The following TTC28 variants were observed in gnomAD, a reference collection of about 807,000 sequenced individuals.
TTC28 encodes the protein tetratricopeptide repeat domain 28, also known as tetratricopeptide repeat protein 28.
Under a neutral mutation model 198.0 loss-of-function variants are expected in TTC28, and 61 were observed. The observed-to-expected ratio is 0.31, with a 90% confidence interval of 0.25 to 0.38. The LOEUF is 0.38. TTC28 is among the 10% of genes least tolerant of loss of function. TTC28 has a pLI of 1.00. For synonymous variants in TTC28, 1,171 were observed against 1,297.8 expected (o/e 0.90, Z 2.10); for missense variants, 2,678 against 3,164.0 (o/e 0.85, Z 3.69).
At chr22:28,481,976 T>C (rs2048252575) in intron 2 of TTC28, among the ~76,000 whole-genome samples, 1 of 152,190 alleles carries the variant, frequency 6.6e-6, no homozygotes, top group Non-Finnish European at 1.5e-5. Context: ...ATTTCTGAAC[T>C]TGACAAGTGA....
chr22:27,982,105 G>T lies in TTC28; in HGVS notation c.*116C>A. Reference sequence around the variant, plus strand: ...CGTGGTGGTGCCCCTCGCCTGCAGAGCACAGCATCATGAGGGTGCTGGTGG... The same window carrying T: ...CGTGGTGGTGCCCCTCGCCTGCAGATCACAGCATCATGAGGGTGCTGGTGG... On this transcript the variant is annotated 3_prime_UTR_variant, in exon 23 of 23. Transcript: ENST00000397906. The surrounding 1 kb of genome is among the most constrained non-coding windows in gnomAD (Gnocchi z 5.2). 1 of 1,124,142 alleles carries T rather than the reference G, an allele frequency of 8.9e-7. No individual in the cohort carries two copies. The highest frequency in any genetic ancestry group is 1.2e-6 in the Non-Finnish European group (1 of 811,956). 69.6% of individuals were successfully genotyped at this position (1,124,142 alleles called of 1,614,324 possible).
chr22:28,015,419 TAAA>T (rs138678), intron 13 of TTC28, among the ~76,000 whole-genome samples: 1 of 109,684 alleles, frequency 9.1e-6, no homozygotes, highest in African/African-American at 3.6e-5. Flanking sequence ...GAGATAGCTT[TAAA>T]AAAAAAAAAA....
chr22:28,483,079 T>C (rs1404715676), intron 2 of TTC28, among the ~76,000 whole-genome samples: 1 of 152,172 alleles, frequency 6.6e-6, no homozygotes, highest in African/African-American at 2.4e-5. Flanking sequence ...AAGAGTGAAA[T>C]TGTAAGGTCA....
At chr22:28,547,749 T>G (rs1044905687) in intron 2 of TTC28, among the ~76,000 whole-genome samples, 2 of 151,718 alleles carry the variant, frequency 1.3e-5, no homozygotes, top group African/African-American at 2.4e-5. Flanking sequence ...ATTTTAATGC[T>G]GAGGCATGTT....
intron 2 of TTC28, among the ~76,000 whole-genome samples, chr22:28,490,607 G>A (rs534620697): frequency 6.6e-6 from 1 of 152,282 alleles, no homozygotes; most frequent in African/African-American, 2.4e-5. Context: ...TATTCAAATA[G>A]TAAGATAAAC....
chr22:28,169,748 C>T (rs976459523), intron 5 of TTC28, among the ~76,000 whole-genome samples: 1 of 151,828 alleles, frequency 6.6e-6, no homozygotes, highest in African/African-American at 2.4e-5. Flanking sequence ...TGCAGCACAC[C>T]AACATGGCAC....
At chr22:28,156,124 C>T (rs1353067682) in intron 6 of TTC28, among the ~76,000 whole-genome samples, 2 of 152,196 alleles carry the variant, frequency 1.3e-5, no homozygotes, top group Non-Finnish European at 2.9e-5. Context: ...ATGACATCCC[C>T]TGCAATGTGT....
chr22:28,405,094 C>T (rs1221838250), intron 2 of TTC28, among the ~76,000 whole-genome samples: 2 of 152,136 alleles, frequency 1.3e-5, no homozygotes, highest in Admixed American at 6.5e-5. Context: ...GGTATTCAGT[C>T]TGTAAGATCA....
chr22:28,554,249 G>C (rs1431396106), intron 2 of TTC28, among the ~76,000 whole-genome samples: 1 of 148,698 alleles, frequency 6.7e-6, no homozygotes, highest in Non-Finnish European at 1.5e-5. Flanking sequence ...AAGGCCGCAG[G>C]GTCCTCTGCC....
At chr22:28,059,077 G>A (rs1471568026) in intron 12 of TTC28, among the ~76,000 whole-genome samples, 1 of 151,534 alleles carries the variant, frequency 6.6e-6, no homozygotes, top group Non-Finnish European at 1.5e-5. Flanking sequence ...TTTCAATATT[G>A]TTTCTCCGTT....
At chr22:28,473,990 G>T (rs2048130479) in intron 2 of TTC28, among the ~76,000 whole-genome samples, 1 of 152,158 alleles carries the variant, frequency 6.6e-6, no homozygotes, top group African/African-American at 2.4e-5. Context: ...AAGCTATCCA[G>T]TTTGTGGTAC....
rs546315933 is a variant in TTC28 at position 28,209,194 on chromosome 22, G to A, written c.934-45595C>T. Among the ~76,000 whole-genome samples the A allele has an allele frequency of 3.9e-5, 6 of 152,256 alleles. No individual in the cohort carries two copies. The South Asian group carries it at 6.2e-4, about 16-fold the overall frequency. ...TATAAGAGAGAAGACTGGGATGGCC[G>A]AATAGGAACAGCTCCAGTCTACAGC... On this transcript the variant is annotated intron_variant, in intron 5 of 22. Transcript: ENST00000397906.
intron 5 of TTC28, among the ~76,000 whole-genome samples, chr22:28,191,833 T>A (rs1378048917): frequency 6.6e-6 from 1 of 152,198 alleles, no homozygotes; most frequent in Non-Finnish European, 1.5e-5. Flanking sequence ...CAAGGAGGCC[T>A]GCCTGCCTCT....
At chr22:28,244,595 G>A (rs1336347924) in intron 5 of TTC28, among the ~76,000 whole-genome samples, 1 of 152,078 alleles carries the variant, frequency 6.6e-6, no homozygotes, top group Non-Finnish European at 1.5e-5. Context: ...TATAAAGAAG[G>A]CAAATAAGCT....
chr22:28,399,041 A>T (rs2046860938), intron 2 of TTC28, among the ~76,000 whole-genome samples: 1 of 149,966 alleles, frequency 6.7e-6, no homozygotes. Flanking sequence ...TACATTTCTA[A>T]CTGTAGTGAT....
At chr22:28,535,799 C>A (rs2049256276) in intron 2 of TTC28, among the ~76,000 whole-genome samples, 1 of 152,106 alleles carries the variant, frequency 6.6e-6, no homozygotes, top group East Asian at 1.9e-4. Context: ...GAAGACTGTG[C>A]CTGCTTCCCC....
chr22:28,328,572 G>A (rs1166411740), intron 2 of TTC28, among the ~76,000 whole-genome samples: 1 of 151,550 alleles, frequency 6.6e-6, no homozygotes, highest in African/African-American at 2.4e-5. Flanking sequence ...TGGCCAACCC[G>A]GTGAAACCAC....
At chr22:28,636,828 T>G (rs1467270670) in intron 1 of TTC28, among the ~76,000 whole-genome samples, 1 of 152,150 alleles carries the variant, frequency 6.6e-6, no homozygotes, top group Non-Finnish European at 1.5e-5. Context: ...TAGGTTACTT[T>G]TTCATCTTTG....
At chr22:28,251,788 T>C (rs1208388944) in intron 5 of TTC28, among the ~76,000 whole-genome samples, 1 of 152,178 alleles carries the variant, frequency 6.6e-6, no homozygotes, top group Non-Finnish European at 1.5e-5. Context: ...GGAAGTTTCA[T>C]TTCACTCTCC....
Sources: allele counts gnomAD v4.1 joint callset (sites outside exome capture counted in the v4.1 genomes callset), GRCh38; gene constraint gnomAD v4.1.1; non-coding constraint Gnocchi (gnomAD v3.1); transcripts MANE v1.5; gene names NCBI Gene and HGNC (gene_info 2026-07-23, HGNC 2026-07-21).